The following ASAH2 variants were observed in gnomAD, a reference collection of about 807,000 sequenced individuals.
The protein encoded by ASAH2 is neutral ceramidase.
ASAH2 carries 58 observed loss-of-function variants against 82.9 expected under a neutral mutation model. That is an observed-to-expected ratio of 0.70 (90% CI 0.57 to 0.87). The LOEUF (loss-of-function observed/expected upper bound fraction) is 0.87. Ranked by LOEUF, ASAH2 falls within the 40% of genes least tolerant of loss-of-function variation. The pLI, the probability that ASAH2 is intolerant of heterozygous loss-of-function variation, is 0.00. For synonymous variants in ASAH2, 276 were observed against 289.7 expected (o/e 0.95, Z 0.48); for missense variants, 779 against 834.0 (o/e 0.93, Z 0.81).
intron 1 of ASAH2, among the ~76,000 whole-genome samples, chr10:50,250,122 C>T (rs1846577718): frequency 6.6e-6 from 1 of 152,080 alleles, no homozygotes; most frequent in Non-Finnish European, 1.5e-5. Flanking sequence ...GCCAGCATTC[C>T]CGTGTGCCAA....
rs1409254144 is a variant in ASAH2, at chr10:50,203,031, AT to A, written c.1666-108del. 1.5e-5 allele frequency: 12 copies of A among 819,410 alleles called. No homozygotes were observed. In the African/African-American group the frequency reaches 2.1e-4, roughly 14 times the overall value. 50.8% of individuals were successfully genotyped at this position (819,410 alleles called of 1,614,324 possible). On this transcript the variant is annotated intron_variant, in intron 15 of 20. Coordinates refer to ENST00000682911, the MANE Select transcript of ASAH2 (RefSeq NM_019893.4). ...ATTGATTACACTATTAGTTTAAGAT[AT>A]TTTTCTTAATAAAATTTTTCTAACT...
chr10:50,248,596 G>T lies in ASAH2; in HGVS notation c.15C>A (p.Thr5=), dbSNP rs1846535101. 6 of 1,613,600 alleles carry T rather than the reference G, an allele frequency of 3.7e-6. No homozygotes were observed. The highest frequency in any genetic ancestry group is 5.1e-6 in the Non-Finnish European group (6 of 1,179,654). The change falls in exon 2 of 21, where the codon ACC becomes ACA. Residue 5 remains threonine (T), a synonymous_variant. Transcript: ENST00000682911. ...TCAGGAATGTCTCCAAGTTAGAGAAGGTGCGTTTGGCCATTTCTTCTCAGG... is the reference window on the plus strand; with the variant it reads ...TCAGGAATGTCTCCAAGTTAGAGAATGTGCGTTTGGCCATTTCTTCTCAGG... MAKR[T]FSNLETFLIF... is the part of the protein sequence containing the mutation.
At chr10:50,217,438 A>G (rs1230371379) in intron 8 of ASAH2, among the ~76,000 whole-genome samples, 1 of 152,068 alleles carries the variant, frequency 6.6e-6, no homozygotes, top group African/African-American at 2.4e-5. Context: ...CATGTTGGCC[A>G]GGCTGGTCTC....
intron 2 of ASAH2, among the ~76,000 whole-genome samples, chr10:50,246,795 G>A (rs1846469282): frequency 6.6e-6 from 1 of 152,176 alleles, no homozygotes; most frequent in African/African-American, 2.4e-5. Flanking sequence ...ATCAAATATT[G>A]CAAGGAGTGG....
chr10:50,203,539 C>T, intron 15 of ASAH2, 101 bp downstream of exon 15: 2 of 1,069,788 alleles, frequency 1.9e-6, no homozygotes, highest in Admixed American at 1.7e-5. Context: ...CCATTAATTT[C>T]AAGAAATGTG....
chr10:50,248,359 A>G, intron 2 of ASAH2, 125 bp downstream of exon 2: 1 of 1,206,290 alleles, frequency 8.3e-7, no homozygotes, highest in East Asian at 2.4e-5. Flanking sequence ...GGAGACGGCT[A>G]TTCCAGGCTG....
intron 7 of ASAH2, 116 bp downstream of exon 7, chr10:50,233,068 T>C (rs935948377): frequency 3.4e-6 from 3 of 890,154 alleles, no homozygotes; most frequent in African/African-American, 1.6e-5. Context: ...GAACCTGGAC[T>C]CTTAACCACA....
At chr10:50,239,592 T>C (rs1332096359) in intron 4 of ASAH2, among the ~76,000 whole-genome samples, 2 of 152,170 alleles carry the variant, frequency 1.3e-5, no homozygotes, top group African/African-American at 4.8e-5. Context: ...ACACTTAAGT[T>C]TGAATCCCAA....
At chr10:50,240,983 A>T (rs1248673713) in intron 4 of ASAH2, among the ~76,000 whole-genome samples, 1 of 152,230 alleles carries the variant, frequency 6.6e-6, no homozygotes, top group Non-Finnish European at 1.5e-5. Context: ...ATAACTTCTA[A>T]ACCTGGGTCA....
intron 6 of ASAH2, among the ~76,000 whole-genome samples, chr10:50,233,905 T>C (rs1043784886): frequency 6.6e-6 from 1 of 152,150 alleles, no homozygotes; most frequent in Non-Finnish European, 1.5e-5. Context: ...TGTGGGTTTA[T>C]TTCTTACTCT....
At chr10:50,210,796 C>A (rs1392796984) in intron 12 of ASAH2, 27 bp downstream of exon 12, 1 of 1,547,334 alleles carries the variant, frequency 6.5e-7, no homozygotes, top group Non-Finnish European at 8.9e-7. Context: ...AAGCTGAAAC[C>A]ATAGATTTTA....
chr10:50,226,226 G>A (rs1248110987), intron 7 of ASAH2, among the ~76,000 whole-genome samples: 1 of 152,030 alleles, frequency 6.6e-6, no homozygotes, highest in Non-Finnish European at 1.5e-5. Flanking sequence ...ATTTTTAAAT[G>A]GTGATTTAAA....
intron 4 of ASAH2, among the ~76,000 whole-genome samples, chr10:50,242,251 G>A (rs1176395946): frequency 6.6e-6 from 1 of 152,102 alleles, no homozygotes; most frequent in African/African-American, 2.4e-5. Flanking sequence ...TCCTCATGTG[G>A]GGATGCTTCC....
chr10:50,199,566 T>C (rs1445414721), intron 16 of ASAH2, among the ~76,000 whole-genome samples: 1 of 150,556 alleles, frequency 6.6e-6, no homozygotes, highest in Non-Finnish European at 1.5e-5. Context: ...ATTTAATCCA[T>C]CACAAAGCCA....
chr10:50,238,378 T>C (rs941708805), intron 4 of ASAH2, among the ~76,000 whole-genome samples: 4 of 152,212 alleles, frequency 2.6e-5, no homozygotes, highest in African/African-American at 7.2e-5. Context: ...CAAAGACTGA[T>C]TGTTTGGTTA....
At chr10:50,206,952 A>C (rs1012266639) in intron 12 of ASAH2, among the ~76,000 whole-genome samples, 1 of 151,964 alleles carries the variant, frequency 6.6e-6, no homozygotes, top group Admixed American at 6.6e-5. Flanking sequence ...AAATCTCATT[A>C]AATTTTACAA....
Position 50,210,731 on chromosome 10 carries a change from T to C in ASAH2, c.1414+92A>G. On this transcript the variant is annotated intron_variant, in intron 12 of 20. Coordinates refer to ENST00000682911, the MANE Select transcript of ASAH2 (RefSeq NM_019893.4). ...AGCAGACCCTGAGTTTAAAAATTAATAAATGTATTGGCTACAATGAAACCT... is the reference window on the plus strand; with the variant it reads ...AGCAGACCCTGAGTTTAAAAATTAACAAATGTATTGGCTACAATGAAACCT... The C allele has an allele frequency of 3.5e-6, 4 of 1,146,768 alleles. No individual in the cohort carries two copies. In the Middle Eastern group the frequency reaches 5.9e-4, roughly 168 times the overall value. 71.0% of individuals were successfully genotyped at this position (1,146,768 alleles called of 1,614,324 possible). A position where few individuals can be genotyped will look rare whatever the true frequency, so the allele number is the denominator to read the frequency against.
chr10:50,228,713 AG>A (rs888209883), intron 7 of ASAH2, among the ~76,000 whole-genome samples: 4 of 152,214 alleles, frequency 2.6e-5, no homozygotes, highest in African/African-American at 9.6e-5. Flanking sequence ...TAAGAATAAA[AG>A]GGTTTGCAAT....
intron 1 of ASAH2, among the ~76,000 whole-genome samples, chr10:50,250,464 C>T (rs557513336): frequency 1.3e-5 from 2 of 152,216 alleles, no homozygotes; most frequent in Non-Finnish European, 2.9e-5. Context: ...CAAGTCAGAT[C>T]TGTGACTTAT....
Sources: allele counts gnomAD v4.1 joint callset (sites outside exome capture counted in the v4.1 genomes callset), GRCh38; gene constraint gnomAD v4.1.1; transcripts MANE v1.5; gene names NCBI Gene and HGNC (gene_info 2026-07-23, HGNC 2026-07-21).